Variants in SERPINE3 observed in about 807,000 individuals in gnomAD.
The protein encoded by SERPINE3 is serpin family E member 3, also known as serpin E3.
In SERPINE3, 43 loss-of-function variants were observed where a neutral mutation model predicts 41.7. The observed-to-expected ratio is 1.03, with a 90% CI of 0.81 to 1.33. The LOEUF (loss-of-function observed/expected upper bound fraction) is 1.33, where lower values mean the gene tolerates loss of function less well. SERPINE3 is among the 40% of genes most tolerant of loss of function. The pLI, the probability that SERPINE3 is intolerant of heterozygous loss-of-function variation, is 0.00. For synonymous variants in SERPINE3, 200 were observed against 192.2 expected (o/e 1.04, Z -0.34); for missense variants, 440 against 491.7 (o/e 0.89, Z 0.99).
intron 9 of SERPINE3, 38 bp downstream of exon 9, chr13:51,361,931 T>C: frequency 6.2e-7 from 1 of 1,611,978 alleles, no homozygotes; most frequent in Non-Finnish European, 8.5e-7. Flanking sequence ...AGATAATTTA[T>C]CAGTGTCTCT....
chr13:51,359,125 A>G (rs1955523304), intron 7 of SERPINE3, among the ~76,000 whole-genome samples: 1 of 152,090 alleles, frequency 6.6e-6, no homozygotes, highest in Non-Finnish European at 1.5e-5. Flanking sequence ...CTTTTGGGAA[A>G]ATAGGGCGTA....
At chr13:51,354,707 G>C (rs1309610340) in intron 6 of SERPINE3, among the ~76,000 whole-genome samples, 1 of 152,152 alleles carries the variant, frequency 6.6e-6, no homozygotes, top group Non-Finnish European at 1.5e-5. Context: ...CGTAAGAGCA[G>C]AACAAGGTAT....
At chr13:51,344,508 A>T in intron 4 of SERPINE3, 23 bp downstream of exon 4, 2 of 1,531,640 alleles carry the variant, frequency 1.3e-6, no homozygotes, top group Non-Finnish European at 1.8e-6. Context: ...TGTACATTTC[A>T]ACAAGGCTAA....
chr13:51,347,502 G>A (rs1264268638), intron 5 of SERPINE3, among the ~76,000 whole-genome samples: 1 of 152,178 alleles, frequency 6.6e-6, no homozygotes, highest in East Asian at 1.9e-4. Context: ...TTCTGCACTA[G>A]TAGAGTTTGG....
intron 1 of SERPINE3, among the ~76,000 whole-genome samples, chr13:51,340,389 T>C (rs1955277979): frequency 6.6e-6 from 1 of 152,248 alleles, no homozygotes; most frequent in African/African-American, 2.4e-5. Context: ...TTTTAGAGAC[T>C]AATTTGCATC....
chr13:51,363,286 CCA>C, intron 9 of SERPINE3: 3 of 151,840 alleles, frequency 2.0e-5, no homozygotes, highest in Non-Finnish European at 2.9e-5. Context: ...TAAGGATAAT[CCA>C]AAACCAGTTC....
At chr13:51,356,687 C>T (rs1955486734) in intron 7 of SERPINE3, among the ~76,000 whole-genome samples, 1 of 152,134 alleles carries the variant, frequency 6.6e-6, no homozygotes, top group African/African-American at 2.4e-5. Context: ...CATCATGTAG[C>T]TCCCCTATTG....
In SERPINE3 at chr13:51,355,122, G is replaced by C. The variant is rs1296901688; in HGVS notation, c.979G>C (p.Ala327Pro). The C allele has an allele frequency of 6.5e-7, 1 of 1,537,220 alleles. No homozygotes were observed. The highest frequency in any genetic ancestry group is 8.8e-7 in the Non-Finnish European group (1 of 1,132,702). The stretch of plus-strand genomic sequence containing the variant: ...CACCGATCTTTTTGATCCACTCAAA[G>C]CTAACTTGAAAGGAATTTCAGGTAA... ...GVTDLFDPLK[A>P]NLKGISGQDG... The change falls in exon 7 of 10, where the codon GCT (alanine) becomes CCT (proline). Residue 327 changes from alanine (A) to proline (P), a missense_variant. Transcript: ENST00000681248.
At chr13:51,359,377 T>C (rs1041701793) in intron 7 of SERPINE3, among the ~76,000 whole-genome samples, 1 of 152,134 alleles carries the variant, frequency 6.6e-6, no homozygotes, top group Non-Finnish European at 1.5e-5. Context: ...ATGTCAACTC[T>C]TACCAGAGAT....
intron 9 of SERPINE3, chr13:51,363,660 CTAATT>C (rs1255979087): frequency 2.6e-5 from 4 of 151,720 alleles, no homozygotes; most frequent in Admixed American, 6.6e-5. Flanking sequence ...AACAAGTATT[CTAATT>C]TAACTAATAT....
intron 7 of SERPINE3, among the ~76,000 whole-genome samples, chr13:51,356,173 C>T (rs571164312): frequency 7.9e-5 from 12 of 152,196 alleles, no homozygotes; most frequent in Admixed American, 2.0e-4. Flanking sequence ...TGCCTGAACA[C>T]GCAAAGAGAT....
At chr13:51,349,219 T>C (rs541762930) in intron 6 of SERPINE3, among the ~76,000 whole-genome samples, 2 of 152,216 alleles carry the variant, frequency 1.3e-5, no homozygotes, top group Non-Finnish European at 2.9e-5. Flanking sequence ...GGGCTTCCAG[T>C]AGGCAAAGGC....
Position 51,346,927 on chromosome 13 carries a change from C to T in SERPINE3, c.491-98C>T, listed in dbSNP as rs530064259. Reference sequence around the variant, plus strand: ...CCTTAAGCAAAAAGACCTGCATTTTCGCATTTTAACTCTGCACTCCTTGTC... The same window carrying T: ...CCTTAAGCAAAAAGACCTGCATTTTTGCATTTTAACTCTGCACTCCTTGTC... On this transcript the variant is annotated intron_variant, in intron 4 of 9. Transcript: ENST00000681248. The T allele has an allele frequency of 1.1e-4, 93 of 823,606 alleles. No homozygotes were observed. In the African/African-American group the frequency reaches 1.2e-3, roughly 10 times the overall value. The allele number at this position is 823,606 out of a possible 1,614,324, so 51.0% of individuals were successfully genotyped here. A position where few individuals can be genotyped will look rare whatever the true frequency, so the allele number is the denominator to read the frequency against.
At position 51,361,814 on chromosome 13, in the gene SERPINE3, G is replaced by A; in HGVS notation, c.1092G>A (p.Leu364=). The A allele has an allele frequency of 3.1e-6, 5 of 1,604,140 alleles. No individual in the cohort carries two copies. The highest frequency in any genetic ancestry group is 4.2e-6 in the Non-Finnish European group (5 of 1,176,706). The change falls in exon 9 of 10, where the codon CTG becomes CTA. Residue 364 remains leucine (L), a synonymous_variant. Transcript: ENST00000681248. ...EGTKASGATA[L]LLLKRSRIPI... Reference sequence around the variant, plus strand: ...ATTTTTCTTTCTTTCCTGCAGCTCTGTTGTTATTGAAAAGGTCTCGGATTC... The same window carrying A: ...ATTTTTCTTTCTTTCCTGCAGCTCTATTGTTATTGAAAAGGTCTCGGATTC...
intron 6 of SERPINE3, 110 bp from the exon 7 acceptor site, chr13:51,354,933 T>G: frequency 1.6e-6 from 1 of 637,416 alleles, no homozygotes; most frequent in Non-Finnish European, 2.8e-6. Flanking sequence ...GAAATAAATC[T>G]GGTGGAGCCA....
intron 7 of SERPINE3, among the ~76,000 whole-genome samples, chr13:51,357,093 C>T (rs61956917): frequency 0.054 from 8,154 of 152,204 alleles, 253 homozygotes; most frequent in South Asian, 0.098. Context: ...AGCAGCAAAA[C>T]TGAGTAGTTG....
At chr13:51,348,141 C>T in intron 5 of SERPINE3, 72 bp from the exon 6 acceptor site, 1 of 1,207,536 alleles carries the variant, frequency 8.3e-7, no homozygotes, top group Non-Finnish European at 1.2e-6. Context: ...GCCAGCCTCT[C>T]TCAGGGTCCG....
At chr13:51,354,798 T>C (rs1387497727) in intron 6 of SERPINE3, among the ~76,000 whole-genome samples, 1 of 151,934 alleles carries the variant, frequency 6.6e-6, no homozygotes, top group African/African-American at 2.4e-5. Context: ...GGATAATAAC[T>C]AAAAGACAAT....
At chr13:51,360,622 A>G (rs1472984770) in intron 7 of SERPINE3, among the ~76,000 whole-genome samples, 2 of 152,082 alleles carry the variant, frequency 1.3e-5, no homozygotes, top group Non-Finnish European at 2.9e-5. Flanking sequence ...AGCACATAGA[A>G]CATTTATACT....
Sources: gnomAD v4.1 joint callset for allele counts (sites outside exome capture counted in the v4.1 genomes callset) on GRCh38, gnomAD v4.1.1 for gene constraint, MANE v1.5 for transcripts, NCBI Gene and HGNC (gene_info 2026-07-23, HGNC 2026-07-21) for gene names.